Variants in BNC2 observed in about 807,000 individuals in gnomAD.
BNC2 encodes basonuclin zinc finger protein 2.
BNC2 carries 20 observed loss-of-function variants against 76.3 expected under a neutral mutation model. The observed-to-expected ratio is 0.26, with a 90% CI of 0.18 to 0.38. The LOEUF is 0.38. Ranked by LOEUF, BNC2 falls within the 10% of genes least tolerant of loss-of-function variation. BNC2 has a pLI of 1.00. For synonymous variants in BNC2, 582 were observed against 514.8 expected, an observed-to-expected ratio of 1.13 and a Z score of -1.77; for missense variants, 1,382 against 1,399.8, an observed-to-expected ratio of 0.99 and a Z score of 0.20.
At chr9:16,714,321 T>C (rs568823813) in intron 3 of BNC2, among the ~76,000 whole-genome samples, 1 of 152,374 alleles carries the variant, frequency 6.6e-6, no homozygotes, top group Non-Finnish European at 1.5e-5. Context: ...TATTCTTTTA[T>C]CCTCCATTAT....
At chr9:16,597,121 C>T (rs1454290023) in intron 3 of BNC2, among the ~76,000 whole-genome samples, 3 of 152,128 alleles carry the variant, frequency 2.0e-5, no homozygotes, top group Non-Finnish European at 2.9e-5. Flanking sequence ...GACATAAGCT[C>T]GGTCCTCTTA....
Position 16,738,441 on chromosome 9 carries a change from T to C in BNC2, c.48A>G (p.Lys16=). 1 of 1,614,112 alleles carries C rather than the reference T, an allele frequency of 6.2e-7. No homozygotes were observed. ...PTPPPHSLNY[K]SEDRLSEQDW... ...CTTGCTCACTAAGCCTGTCCTCTGATTTGTAATTAAGGCTATGTGGAGGTG... is the reference window on the plus strand; with the variant it reads ...CTTGCTCACTAAGCCTGTCCTCTGACTTGTAATTAAGGCTATGTGGAGGTG... Residue 16 remains lysine (K), a synonymous_variant, in exon 2 of 7, where the codon AAA becomes AAG. Coordinates refer to ENST00000380672, the MANE Select transcript of BNC2 (RefSeq NM_017637.6).
chr9:16,430,096 G>C (rs1056978112), intron 6 of BNC2: 1 of 452,606 alleles, frequency 2.2e-6, no homozygotes. Flanking sequence ...TCAGGAGGGG[G>C]ATGTATTTTG....
chr9:16,532,218 T>C (rs1218462691), intron 5 of BNC2, among the ~76,000 whole-genome samples: 1 of 142,938 alleles, frequency 7.0e-6, no homozygotes, highest in Non-Finnish European at 1.5e-5. Flanking sequence ...CCAAGAGACA[T>C]ACAGAAAAAA....
chr9:16,546,309 C>CT (rs1198674074), intron 5 of BNC2, among the ~76,000 whole-genome samples: 2 of 152,154 alleles, frequency 1.3e-5, no homozygotes, highest in Non-Finnish European at 2.9e-5. Context: ...GAAACTATGA[C>CT]TAAGAATGGC....
At chr9:16,523,000 A>C (rs1772964068) in intron 5 of BNC2, among the ~76,000 whole-genome samples, 2 of 152,198 alleles carry the variant, frequency 1.3e-5, no homozygotes, top group African/African-American at 4.8e-5. Flanking sequence ...CCAATCTCTC[A>C]GGTCATCATT....
chr9:16,822,092 C>CAAAAAAAA (rs531393812), intron 1 of BNC2, among the ~76,000 whole-genome samples: 10 of 32,634 alleles, frequency 3.1e-4, no homozygotes, highest in African/African-American at 1.0e-3. Context: ...GACTCCATCT[C>CAAAAAAAA]AAAAAAAAAA....
At position 16,524,464 on chromosome 9, in the gene BNC2, A is replaced by G. The variant is rs188604448; in HGVS notation, c.669+28066T>C. Among the ~76,000 whole-genome samples, 287 of 152,008 alleles carry G rather than the reference A, an allele frequency of 1.9e-3. 1 individual carries two copies. Among genetic ancestry groups the G allele is most frequent in the African/African-American group, 6.4e-3 (264 of 41,398 alleles). On this transcript the variant is annotated intron_variant, in intron 5 of 6. Transcript: ENST00000380672. ...GGAAATTTAGAAGGAAAGGGCCCAAATCTCCTTGATTCCTGTTTCCATTTC... is the reference window on the plus strand; with the variant it reads ...GGAAATTTAGAAGGAAAGGGCCCAAGTCTCCTTGATTCCTGTTTCCATTTC...
intron 5 of BNC2, among the ~76,000 whole-genome samples, chr9:16,520,050 G>A (rs1364844810): frequency 6.6e-6 from 1 of 152,164 alleles, no homozygotes; most frequent in Non-Finnish European, 1.5e-5. Flanking sequence ...GGCAGATACC[G>A]ACACATTTTG....
chr9:16,759,652 A>G (rs544004359), intron 1 of BNC2, among the ~76,000 whole-genome samples: 2 of 152,274 alleles, frequency 1.3e-5, no homozygotes, highest in African/African-American at 4.8e-5. Flanking sequence ...CTGTGAAGGC[A>G]TTCTACAATC....
intron 3 of BNC2, among the ~76,000 whole-genome samples, chr9:16,596,153 T>C (rs1175172963): frequency 6.6e-6 from 1 of 152,084 alleles, no homozygotes; most frequent in Non-Finnish European, 1.5e-5. Context: ...CAAAAGAAAG[T>C]AATGGCTATG....
chr9:16,629,645 C>T (rs931557957), intron 3 of BNC2, among the ~76,000 whole-genome samples: 5 of 152,182 alleles, frequency 3.3e-5, no homozygotes, highest in African/African-American at 4.8e-5. Flanking sequence ...CAAACCACCA[C>T]ATAAACCAAG....
chr9:16,678,267 CTTTTTTTT>C lies in BNC2; in HGVS notation c.330+49522_330+49529del, dbSNP rs140809930. Among the ~76,000 whole-genome samples, 124 of 80,720 alleles carry C rather than the reference CTTTTTTTT, an allele frequency of 1.5e-3. 1 individual carries two copies. Among genetic ancestry groups the C allele is most frequent in the Non-Finnish European group, 1.9e-3 (87 of 45,172 alleles). 53.0% of individuals were successfully genotyped at this position (80,720 alleles called of 152,430 possible). On this transcript the variant is annotated intron_variant, in intron 3 of 6. Coordinates refer to ENST00000380672, the MANE Select transcript of BNC2 (RefSeq NM_017637.6). The stretch of plus-strand genomic sequence containing the variant: ...ACTTGTAACTGTTTTCTTTCTTTTT[CTTTTTTTT>C]TTTTTTTTTTTTTTTTTTTTTGAGA...
chr9:16,697,987 C>A (rs1427141086), intron 3 of BNC2, among the ~76,000 whole-genome samples: 3 of 152,136 alleles, frequency 2.0e-5, no homozygotes, highest in African/African-American at 7.2e-5. Context: ...AAATTAGTTT[C>A]TACTTAGTTT....
chr9:16,658,770 A>T (rs1168426445), intron 3 of BNC2, among the ~76,000 whole-genome samples: 1 of 152,152 alleles, frequency 6.6e-6, no homozygotes, highest in Non-Finnish European at 1.5e-5. Context: ...CAATCCAGCT[A>T]CCAAATAACC....
chr9:16,672,389 C>T (rs979525075), intron 3 of BNC2, among the ~76,000 whole-genome samples: 9 of 152,068 alleles, frequency 5.9e-5, no homozygotes, highest in African/African-American at 1.9e-4. Flanking sequence ...CCCAGCTACT[C>T]AGGAGGCTGA....
At chr9:16,494,466 A>T (rs942162811) in intron 5 of BNC2, among the ~76,000 whole-genome samples, 1 of 152,074 alleles carries the variant, frequency 6.6e-6, no homozygotes, top group Non-Finnish European at 1.5e-5. Flanking sequence ...ATAATTTTTA[A>T]GGAAGAAAAG....
At chr9:16,814,105 G>C (rs1156545461) in intron 1 of BNC2, among the ~76,000 whole-genome samples, 1 of 152,184 alleles carries the variant, frequency 6.6e-6, no homozygotes, top group Non-Finnish European at 1.5e-5. Context: ...GGCCCTACTT[G>C]TTTCATCTCC....
At chr9:16,530,469 C>A (rs1417273689) in intron 5 of BNC2, among the ~76,000 whole-genome samples, 2 of 152,106 alleles carry the variant, frequency 1.3e-5, no homozygotes, top group Non-Finnish European at 2.9e-5. Context: ...CCTGGATTTT[C>A]TCTCTCATAA....
Sources: allele counts gnomAD v4.1 joint callset (sites outside exome capture counted in the v4.1 genomes callset), GRCh38; gene constraint gnomAD v4.1.1; transcripts MANE v1.5; gene names NCBI Gene and HGNC (gene_info 2026-07-23, HGNC 2026-07-21).